Variants in COL23A1 observed in about 807,000 individuals in gnomAD.
The protein encoded by COL23A1 is collagen alpha-1(XXIII) chain.
A neutral mutation model predicts 99.3 loss-of-function variants in COL23A1; 97 were observed. That is an observed-to-expected ratio of 0.98 (90% confidence interval 0.83 to 1.16). The LOEUF is 1.16. Among genes scored for constraint, COL23A1 ranks in the 50% most tolerant of loss-of-function variants. COL23A1 has a pLI of 0.00. For synonymous variants in COL23A1, 320 were observed against 308.2 expected (o/e 1.04, Z -0.40); for missense variants, 762 against 757.4 (o/e 1.01, Z -0.07).
chr5:178,440,564 T>C (rs1349452464), intron 2 of COL23A1, among the ~76,000 whole-genome samples: 2 of 152,130 alleles, frequency 1.3e-5, no homozygotes, highest in Non-Finnish European at 2.9e-5. Context: ...GAAAAGAGAA[T>C]GCGGTGTATA....
At position 178,288,253 on chromosome 5, in the gene COL23A1, C is replaced by A. The variant is rs1757263479; in HGVS notation, c.441+71G>T. ...GACAGGAGCGCAGACAGAGTTAAAT[C>A]AAGGCTCAGGGAAAGAATATTGGTT... On this transcript the variant is annotated intron_variant, in intron 5 of 28. Coordinates refer to ENST00000390654, the MANE Select transcript of COL23A1 (RefSeq NM_173465.4). 4.6e-6 allele frequency: 6 copies of A among 1,306,744 alleles called. No homozygotes were observed. In the Admixed American group the frequency reaches 1.0e-4, roughly 22 times the overall value. 80.9% of individuals were successfully genotyped at this position (1,306,744 alleles called of 1,614,324 possible). A position where few individuals can be genotyped will look rare whatever the true frequency, so the allele number is the denominator to read the frequency against.
chr5:178,502,240 T>A (rs978475263), intron 2 of COL23A1, among the ~76,000 whole-genome samples: 1 of 152,192 alleles, frequency 6.6e-6, no homozygotes, highest in East Asian at 1.9e-4. Flanking sequence ...CACGCCATTC[T>A]CCTGCCTCAG....
At chr5:178,474,581 C>T (rs1196830846) in intron 2 of COL23A1, among the ~76,000 whole-genome samples, 1 of 152,162 alleles carries the variant, frequency 6.6e-6, no homozygotes. Flanking sequence ...TCTTTCTTAA[C>T]CTTTCTAACT....
chr5:178,273,659 G>C lies in COL23A1; in HGVS notation c.442-3296C>G, dbSNP rs1254832571. Among the ~76,000 whole-genome samples the C allele has an allele frequency of 2.6e-5, 4 of 152,238 alleles. No individual in the cohort carries two copies. The East Asian group carries it at 7.7e-4, about 29-fold the overall frequency. Reference sequence around the variant, plus strand: ...TCCCTGTGTGAAAACTGACACAGCAGACGGGGCTGGGCCAGCCCCTGGGAC... The same window carrying C: ...TCCCTGTGTGAAAACTGACACAGCACACGGGGCTGGGCCAGCCCCTGGGAC... On this transcript the variant is annotated intron_variant, in intron 5 of 28. Transcript: ENST00000390654.
chr5:178,358,600 T>C (rs970912790), intron 2 of COL23A1, among the ~76,000 whole-genome samples: 6 of 148,812 alleles, frequency 4.0e-5, no homozygotes, highest in African/African-American at 1.2e-4. Context: ...TGTATGTGTA[T>C]GTGTGTATGC....
chr5:178,563,526 CT>C (rs779487808), intron 1 of COL23A1, among the ~76,000 whole-genome samples: 9 of 83,212 alleles, frequency 1.1e-4, no homozygotes, highest in Non-Finnish European at 1.7e-4. Flanking sequence ...TCAGAACTCA[CT>C]TTTTTTTTTT....
chr5:178,321,343 CCTCTGAATCTGATGA>C (rs891048725), intron 2 of COL23A1, among the ~76,000 whole-genome samples: 1 of 152,176 alleles, frequency 6.6e-6, no homozygotes, highest in Non-Finnish European at 1.5e-5. Flanking sequence ...CTATTTTCTG[CCTCTGAATCTGATGA>C]CTCTGGGTAT....
At chr5:178,411,396 CCCA>C (rs1561947928) in intron 2 of COL23A1, among the ~76,000 whole-genome samples, 1 of 151,964 alleles carries the variant, frequency 6.6e-6, no homozygotes, top group Non-Finnish European at 1.5e-5. Flanking sequence ...AACCCAAATG[CCCA>C]TCAAAAGATG....
chr5:178,538,219 A>T (rs1761091931), intron 2 of COL23A1, among the ~76,000 whole-genome samples: 2 of 152,220 alleles, frequency 1.3e-5, no homozygotes. Flanking sequence ...AGGGCTGGGC[A>T]TTCCACCTCT....
intron 2 of COL23A1, among the ~76,000 whole-genome samples, chr5:178,348,719 C>A (rs79352096): frequency 1.8e-3 from 270 of 152,310 alleles, no homozygotes; most frequent in Middle Eastern, 3.4e-3. Flanking sequence ...CCAGTGGCTC[C>A]CACCTTCCTA....
chr5:178,487,298 TTA>T (rs1419383568), intron 2 of COL23A1, among the ~76,000 whole-genome samples: 11 of 143,766 alleles, frequency 7.7e-5, no homozygotes, highest in Admixed American at 2.1e-4. Flanking sequence ...TTTTATTTAT[TTA>T]TTTATTTATT....
At chr5:178,279,225 C>G (rs1384736346) in intron 5 of COL23A1, among the ~76,000 whole-genome samples, 1 of 152,208 alleles carries the variant, frequency 6.6e-6, no homozygotes, top group Non-Finnish European at 1.5e-5. Flanking sequence ...GCGCCTCCTT[C>G]CAGACTCACG....
chr5:178,324,141 T>C (rs1436105041), intron 2 of COL23A1, among the ~76,000 whole-genome samples: 1 of 151,568 alleles, frequency 6.6e-6, no homozygotes, highest in Non-Finnish European at 1.5e-5. Flanking sequence ...CTGAGGCCCT[T>C]TTGGGGGCAC....
At chr5:178,249,254 C>T in intron 18 of COL23A1, 48 bp from the exon 19 acceptor site, 1 of 1,561,930 alleles carries the variant, frequency 6.4e-7, no homozygotes, top group Non-Finnish European at 8.8e-7. Flanking sequence ...GAGGTCCCCT[C>T]CCTTCTCCCC....
intron 2 of COL23A1, among the ~76,000 whole-genome samples, chr5:178,540,969 G>A (rs6878935): frequency 0.012 from 1,849 of 152,226 alleles, 39 homozygotes; most frequent in African/African-American, 0.042. Context: ...ATCTCAGCAG[G>A]GCTGTTTATC....
intron 2 of COL23A1, among the ~76,000 whole-genome samples, chr5:178,329,697 G>C (rs140176213): frequency 0.013 from 1,920 of 152,264 alleles, 29 homozygotes; most frequent in Non-Finnish European, 0.02. Flanking sequence ...TCCCAGGACC[G>C]GGAGGCCGAG....
intron 2 of COL23A1, among the ~76,000 whole-genome samples, chr5:178,407,606 A>G (rs1244642414): frequency 6.6e-6 from 1 of 152,236 alleles, no homozygotes; most frequent in Non-Finnish European, 1.5e-5. Flanking sequence ...ACAAATGAAA[A>G]AACAGAAAGT....
At position 178,288,615 on chromosome 5, in the gene COL23A1, G is replaced by A. The variant is rs1290299143; in HGVS notation, c.415-265C>T. 7 of 590,220 alleles carry A rather than the reference G, an allele frequency of 1.2e-5. 1 individual carries two copies. The highest frequency in any genetic ancestry group is 7.9e-4 in the Middle Eastern group (2 of 2,530). 36.6% of individuals were successfully genotyped at this position (590,220 alleles called of 1,614,324 possible). A position where few individuals can be genotyped will look rare whatever the true frequency, so the allele number is the denominator to read the frequency against. The stretch of plus-strand genomic sequence containing the variant: ...GTCACATGTGTGCCCTCCCCACGCT[G>A]GCCAGGCATAGGGTAAATGCCACGT... On this transcript the variant is annotated intron_variant, in intron 4 of 28. Transcript: ENST00000390654.
At chr5:178,547,747 ACACC>A (rs1285740150) in intron 2 of COL23A1, among the ~76,000 whole-genome samples, 1 of 17,674 alleles carries the variant, frequency 5.7e-5, no homozygotes, top group Admixed American at 8.1e-4. Context: ...ACACACCCCC[ACACC>A]CACACCTATA....
Sources: allele counts gnomAD v4.1 joint callset (sites outside exome capture counted in the v4.1 genomes callset), GRCh38; gene constraint gnomAD v4.1.1; transcripts MANE v1.5; gene names NCBI Gene and HGNC (gene_info 2026-07-23, HGNC 2026-07-21).